ZNF236: variants seen among roughly 807,000 people sequenced by gnomAD.
ZNF236 encodes regulated by glucose.
In ZNF236, 50 loss-of-function variants were observed where a neutral mutation model predicts 191.2. The ratio of observed to expected loss-of-function variants is 0.26; its 90% CI spans 0.21 to 0.33. ZNF236 has a LOEUF of 0.33. Ranked by LOEUF, ZNF236 falls within the 10% of genes least tolerant of loss-of-function variation. The pLI is 1.00. For synonymous variants in ZNF236, 907 were observed against 928.8 expected, an observed-to-expected ratio of 0.98 and a Z score of 0.43; for missense variants, 1,754 against 2,374.5, an observed-to-expected ratio of 0.74 and a Z score of 5.43.
intron 1 of ZNF236, chr18:76,834,625 CT>C: frequency 6.7e-6 from 3 of 447,900 alleles, no homozygotes; most frequent in South Asian, 1.9e-5. Context: ...TGCCATTATC[CT>C]TTTCCCGTTG....
chr18:76,964,654 T>G (rs999953008), intron 30 of ZNF236, among the ~76,000 whole-genome samples: 7 of 152,334 alleles, frequency 4.6e-5, no homozygotes, highest in East Asian at 3.9e-4. Context: ...GTGCTGTCAG[T>G]GGAGTATTGA....
At chr18:76,948,191 T>A (rs570364927) in intron 27 of ZNF236, among the ~76,000 whole-genome samples, 1 of 152,262 alleles carries the variant, frequency 6.6e-6, no homozygotes, top group Admixed American at 6.5e-5. Flanking sequence ...GAGTCTAAAA[T>A]CTCTTTCCTT....
intron 11 of ZNF236, among the ~76,000 whole-genome samples, chr18:76,901,958 G>A (rs10514227): frequency 0.051 from 7,707 of 152,222 alleles, 302 homozygotes; most frequent in Non-Finnish European, 0.078. Flanking sequence ...TCAGGTTGCC[G>A]TAAATCAAGT....
intron 9 of ZNF236, among the ~76,000 whole-genome samples, chr18:76,892,293 A>T (rs1977270314): frequency 1.3e-5 from 2 of 148,190 alleles, no homozygotes; most frequent in Admixed American, 6.9e-5. Flanking sequence ...ATAATGACTG[A>T]TGCTTCATTT....
chr18:76,842,290 T>C (rs985731932), intron 1 of ZNF236, among the ~76,000 whole-genome samples: 1 of 151,972 alleles, frequency 6.6e-6, no homozygotes, highest in Non-Finnish European at 1.5e-5. Context: ...GTGATAATTA[T>C]GTACCTCTCC....
chr18:76,843,788 A>AG (rs1975588047), intron 1 of ZNF236, among the ~76,000 whole-genome samples: 1 of 127,936 alleles, frequency 7.8e-6, no homozygotes, highest in Non-Finnish European at 1.7e-5. Flanking sequence ...AAAAAAAAAA[A>AG]AAAAAAAAAA....
intron 9 of ZNF236, among the ~76,000 whole-genome samples, chr18:76,894,699 T>G (rs556479209): frequency 6.6e-6 from 1 of 152,302 alleles, no homozygotes; most frequent in African/African-American, 2.4e-5. Context: ...GCATTAAGCA[T>G]GAGGTCATTC....
chr18:76,913,785 A>G lies in ZNF236; in HGVS notation c.2948A>G (p.His983Arg). 6.2e-7 allele frequency: 1 copy of G among 1,614,236 alleles called. No individual in the cohort carries two copies. Among genetic ancestry groups the G allele is most frequent in the Non-Finnish European group, 8.5e-7 (1 of 1,180,034 alleles). ...AACAAAGGCTTTAAGAAGTCCAGCC[A>G]CCTGAAGCAGCATGTGCGGTCGCAC... ...YCNKGFKKSS[H>R]LKQHVRSHTG... Residue 983 changes from histidine to arginine, a missense_variant, in exon 18 of 31, where the codon CAC becomes CGC. Coordinates refer to ENST00000320610, the MANE Select transcript of ZNF236 (RefSeq NM_001306089.2).
At chr18:76,958,883 A>G (rs1198220146) in intron 28 of ZNF236, among the ~76,000 whole-genome samples, 5 of 152,248 alleles carry the variant, frequency 3.3e-5, no homozygotes, top group Admixed American at 6.5e-5. Context: ...AGGCGGTCAC[A>G]TGGAACACAC....
At chr18:76,823,291 T>C (rs1328589539) in intron 1 of ZNF236, among the ~76,000 whole-genome samples, 1 of 151,976 alleles carries the variant, frequency 6.6e-6, no homozygotes, top group African/African-American at 2.4e-5. Flanking sequence ...CTGTGGGGCG[T>C]GCATACAGTA....
intron 25 of ZNF236, among the ~76,000 whole-genome samples, chr18:76,931,558 C>T (rs562275146): frequency 5.9e-5 from 9 of 152,018 alleles, no homozygotes; most frequent in Admixed American, 1.3e-4. Flanking sequence ...TCTAACCCAG[C>T]GCTGGAAGAC....
intron 17 of ZNF236, among the ~76,000 whole-genome samples, chr18:76,913,471 C>T (rs950471426): frequency 2.6e-5 from 4 of 152,178 alleles, no homozygotes; most frequent in Non-Finnish European, 4.4e-5. Context: ...AATATTATGT[C>T]TGCTGGGGAG....
intron 9 of ZNF236, among the ~76,000 whole-genome samples, chr18:76,890,635 G>GA (rs1977201904): frequency 6.6e-6 from 1 of 152,164 alleles, no homozygotes; most frequent in African/African-American, 2.4e-5. Flanking sequence ...CAATGGGTTA[G>GA]AAAATGGTGT....
intron 27 of ZNF236, among the ~76,000 whole-genome samples, chr18:76,955,443 A>G (rs1968501340): frequency 6.6e-6 from 1 of 152,190 alleles, no homozygotes; most frequent in African/African-American, 2.4e-5. Context: ...AATTTTAAAA[A>G]TGATTTTTTC....
chr18:76,967,759 T>G (rs1968820184), intron 30 of ZNF236, among the ~76,000 whole-genome samples: 1 of 152,012 alleles, frequency 6.6e-6, no homozygotes, highest in Admixed American at 6.6e-5. Flanking sequence ...TCTTTGGTTG[T>G]TTGAGGTGCG....
At position 76,923,068 on chromosome 18, in the gene ZNF236, T is replaced by C; in HGVS notation, c.3558-3T>C. ...ATGTCTATAATTAATGCTTTTTGGA[T>C]AGGCATGTTCGAATCCATACTGGAG... On this transcript the variant is annotated splice_region_variant and splice_polypyrimidine_tract_variant and intron_variant, in intron 20 of 30. Coordinates refer to ENST00000320610, the MANE Select transcript of ZNF236 (RefSeq NM_001306089.2). 1 of 1,605,746 alleles carries C rather than the reference T, an allele frequency of 6.2e-7. No individual in the cohort carries two copies. The highest frequency in any genetic ancestry group is 8.5e-7 in the Non-Finnish European group (1 of 1,172,720).
rs1221122446 is a variant in ZNF236 at position 76,938,910 on chromosome 18, G to A, written c.4782+1567G>A. ...CAGAGGCATTCCTCCTGAGCTGTGC[G>A]GAGCGCGTGACTGCTTATGGAGTTT... is the stretch of plus-strand genomic sequence containing the variant. On this transcript the variant is annotated intron_variant, in intron 26 of 30. Transcript: ENST00000320610. Among the ~76,000 whole-genome samples, 3 of 152,332 alleles carry A rather than the reference G, an allele frequency of 2.0e-5. No individual in the cohort carries two copies. In the East Asian group the frequency reaches 5.8e-4, roughly 29 times the overall value.
At chr18:76,822,791 G>C (rs1176800518) in intron 1 of ZNF236, 129 bp downstream of exon 1, 2 of 145,162 alleles carry the variant, frequency 1.4e-5, no homozygotes, top group East Asian at 4.1e-4. Flanking sequence ...CGCAGACCCG[G>C]GCCGCCGCCG....
chr18:76,939,034 T>C (rs942274980), intron 26 of ZNF236, among the ~76,000 whole-genome samples: 10 of 152,150 alleles, frequency 6.6e-5, no homozygotes, highest in Non-Finnish European at 1.0e-4. Context: ...TTTAAAATTG[T>C]AGTTGGAACA....
Sources: allele counts gnomAD v4.1 joint callset (sites outside exome capture counted in the v4.1 genomes callset), GRCh38; gene constraint gnomAD v4.1.1; transcripts MANE v1.5; gene names NCBI Gene and HGNC (gene_info 2026-07-23, HGNC 2026-07-21).